AOAH: variants seen among roughly 807,000 people sequenced by gnomAD.
The protein encoded by AOAH is acyloxyacyl hydrolase.
A neutral mutation model predicts 92.2 loss-of-function variants in AOAH; 64 were observed. That is an observed-to-expected ratio of 0.69 (90% CI 0.57 to 0.86). AOAH has a LOEUF of 0.86. AOAH is among the 40% of genes least tolerant of loss of function. The pLI is 0.00. For missense variants in AOAH, 656 were observed against 694.6 expected, an observed-to-expected ratio of 0.94 and a Z score of 0.62; for synonymous variants, 263 against 254.5, an observed-to-expected ratio of 1.03 and a Z score of -0.32.
At chr7:36,553,991 G>T (rs561630086) in intron 13 of AOAH, among the ~76,000 whole-genome samples, 1 of 152,054 alleles carries the variant, frequency 6.6e-6, no homozygotes, top group African/African-American at 2.4e-5. Flanking sequence ...AGTTTAATTA[G>T]ATCCCATTTG....
intron 12 of AOAH, among the ~76,000 whole-genome samples, chr7:36,577,821 A>G (rs530035140): frequency 6.6e-6 from 1 of 152,346 alleles, no homozygotes; most frequent in South Asian, 2.1e-4. Context: ...TATTTGAGTA[A>G]TCTTCAAATG....
rs762946125 is a variant in AOAH at position 36,532,327 on chromosome 7, T to C, written c.1324A>G (p.Met442Val). ...YHPLGQLNKD[M>V]TYAQLYSFLN... is the part of the protein sequence containing the mutation. ...AAGGAGTACAACTGCGCATAGGTCA[T>C]GTCTTTATTTAGCTGGCCTGGAAAA... The change falls in exon 17 of 21, where the codon ATG (methionine) becomes GTG (valine). Residue 442 changes from methionine to valine, a missense_variant. Met to Val is a conservative substitution (Grantham distance 21, BLOSUM62 1). Coordinates refer to ENST00000617537, the MANE Select transcript of AOAH (RefSeq NM_001637.4). The C allele has an allele frequency of 8.1e-6, 13 of 1,613,936 alleles. No homozygotes were observed. The highest frequency in any genetic ancestry group is 1.0e-5 in the Non-Finnish European group (12 of 1,180,022).
intron 19 of AOAH, among the ~76,000 whole-genome samples, chr7:36,523,669 AC>A (rs1784235952): frequency 8.8e-6 from 1 of 113,194 alleles, no homozygotes; most frequent in East Asian, 3.0e-4. Flanking sequence ...TTGGAATGCA[AC>A]CTTCTTCTTG....
chr7:36,701,690 T>C (rs982478868), intron 1 of AOAH, among the ~76,000 whole-genome samples: 3 of 151,896 alleles, frequency 2.0e-5, no homozygotes, highest in Non-Finnish European at 2.9e-5. Flanking sequence ...TGTGTTTGAG[T>C]CTAAAAGTTA....
At chr7:36,513,843 C>T (rs1039082496) in intron 20 of AOAH, among the ~76,000 whole-genome samples, 2 of 152,138 alleles carry the variant, frequency 1.3e-5, no homozygotes, top group Non-Finnish European at 2.9e-5. Context: ...TTTGTGAGAC[C>T]CTAAGCAGAG....
At chr7:36,657,570 G>C (rs1410683608) in intron 4 of AOAH, among the ~76,000 whole-genome samples, 1 of 152,206 alleles carries the variant, frequency 6.6e-6, no homozygotes, top group Non-Finnish European at 1.5e-5. Flanking sequence ...ATAGAGGCTG[G>C]AGAGGGGGAC....
Position 36,540,634 on chromosome 7 carries a change from A to G in AOAH, c.1134-143T>C. ...TGGTCATTGGAGCTATTTGCAAAATATTCCTGGATTTCCACCTTTCTGACA... is the reference window on the plus strand; with the variant it reads ...TGGTCATTGGAGCTATTTGCAAAATGTTCCTGGATTTCCACCTTTCTGACA... On this transcript the variant is annotated intron_variant, in intron 15 of 20. Coordinates refer to ENST00000617537, the MANE Select transcript of AOAH (RefSeq NM_001637.4). 5 of 738,760 alleles carry G rather than the reference A, an allele frequency of 6.8e-6. No individual in the cohort carries two copies. The South Asian group carries it at 9.8e-5, about 14-fold the overall frequency. 45.8% of individuals were successfully genotyped at this position (738,760 alleles called of 1,614,324 possible). A position where few individuals can be genotyped will look rare whatever the true frequency, so the allele number is the denominator to read the frequency against.
At chr7:36,663,692 C>A (rs1795354991) in intron 3 of AOAH, among the ~76,000 whole-genome samples, 1 of 152,106 alleles carries the variant, frequency 6.6e-6, no homozygotes, top group South Asian at 2.1e-4. Context: ...CGTGGCTGTA[C>A]CACAATTTGT....
chr7:36,522,153 G>T (rs746486481), intron 19 of AOAH, 38 bp from the exon 20 acceptor site: 9 of 1,597,116 alleles, frequency 5.6e-6, no homozygotes, highest in Non-Finnish European at 6.9e-6. Context: ...AGACACACTT[G>T]CACAAGCAAC....
Position 36,691,954 on chromosome 7 carries a change from C to T in AOAH, c.128-5160G>A, listed in dbSNP as rs375888640. 1.2e-4 allele frequency among the ~76,000 whole-genome samples: 18 copies of T among 152,298 alleles called. No individual in the cohort carries two copies. In the East Asian group the frequency reaches 3.1e-3, roughly 26 times the overall value. On this transcript the variant is annotated intron_variant, in intron 1 of 20. Transcript: ENST00000617537. ...CGAGGTGCTTCAGCCAGCAGATCACCTAGATCATTCCAGATCACCCTGTCC... is the reference window on the plus strand; with the variant it reads ...CGAGGTGCTTCAGCCAGCAGATCACTTAGATCATTCCAGATCACCCTGTCC...
intron 13 of AOAH, among the ~76,000 whole-genome samples, chr7:36,575,679 AT>A (rs1489865182): frequency 1.3e-5 from 2 of 152,206 alleles, no homozygotes; most frequent in African/African-American, 4.8e-5. Flanking sequence ...AGTAAAAAAA[AT>A]CTATATTGTT....
chr7:36,625,279 G>A lies in AOAH; in HGVS notation c.522-2029C>T, dbSNP rs1370833369. 2.0e-5 allele frequency among the ~76,000 whole-genome samples: 3 copies of A among 152,148 alleles called. No homozygotes were observed. In the East Asian group the frequency reaches 5.8e-4, roughly 29 times the overall value. The stretch of plus-strand genomic sequence containing the variant: ...TCTTGCCAGATACTGAGTTGAGCAT[G>A]GTGGTTCAGTAAAGACTCTGGAGTC... On this transcript the variant is annotated intron_variant, in intron 6 of 20. Transcript: ENST00000617537.
intron 11 of AOAH, among the ~76,000 whole-genome samples, chr7:36,603,443 T>G (rs909010116): frequency 6.6e-6 from 1 of 152,218 alleles, no homozygotes; most frequent in African/African-American, 2.4e-5. Context: ...CTTCCTCGCC[T>G]GCCCCGGCCT....
Position 36,724,276 on chromosome 7 carries a change from CCCCACCCTCTCACAT to C in AOAH, c.-143_-129del. ...TTCCTCACTCTCTTTGACACACACA[CCCCACCCTCTCACAT>C]ACACACTTTTCAATAAGTGTGAAGT... is the stretch of plus-strand genomic sequence containing the variant. On this transcript the variant is annotated 5_prime_UTR_variant, in exon 1 of 21. The change abolishes an upstream ATG in the 5' untranslated region. Transcript: ENST00000617537. The C allele has an allele frequency of 1.9e-6, 2 of 1,068,860 alleles. No individual in the cohort carries two copies. The highest frequency in any genetic ancestry group is 2.7e-6 in the Non-Finnish European group (2 of 728,178). 66.2% of individuals were successfully genotyped at this position (1,068,860 alleles called of 1,614,324 possible).
At chr7:36,559,004 C>T (rs574114769) in intron 13 of AOAH, among the ~76,000 whole-genome samples, 1 of 152,258 alleles carries the variant, frequency 6.6e-6, no homozygotes, top group South Asian at 2.1e-4. Context: ...CACTGTCTGG[C>T]ACTCCCTAGT....
intron 3 of AOAH, among the ~76,000 whole-genome samples, chr7:36,661,965 T>C (rs1562670695): frequency 1.3e-5 from 2 of 152,218 alleles, no homozygotes. Flanking sequence ...TTTCACTTTG[T>C]GAGTAAGCAG....
intron 20 of AOAH, among the ~76,000 whole-genome samples, chr7:36,515,732 C>A (rs1186477768): frequency 7.7e-6 from 1 of 130,478 alleles, no homozygotes; most frequent in Non-Finnish European, 1.6e-5. Flanking sequence ...ACCAACACCA[C>A]ACACACACCA....
intron 12 of AOAH, among the ~76,000 whole-genome samples, chr7:36,577,172 A>G (rs2116642942): frequency 6.6e-6 from 1 of 152,266 alleles, no homozygotes; most frequent in South Asian, 2.1e-4. Flanking sequence ...GTCCAGAATG[A>G]GGATTGCGTT....
At position 36,615,812 on chromosome 7, in the gene AOAH, A is replaced by C. The variant is rs541916277; in HGVS notation, c.846+568T>G. Among the ~76,000 whole-genome samples the C allele has an allele frequency of 3.3e-5, 5 of 152,088 alleles. No individual in the cohort carries two copies. In the East Asian group the frequency reaches 9.7e-4, roughly 29 times the overall value. On this transcript the variant is annotated intron_variant, in intron 11 of 20. Coordinates refer to ENST00000617537, the MANE Select transcript of AOAH (RefSeq NM_001637.4). ...CCTGACACCTGATATAGAGTCAATA[A>C]ATGTTGGTTTCCCTCCCCTTTCTTT...
Sources: allele counts gnomAD v4.1 joint callset (sites outside exome capture counted in the v4.1 genomes callset), GRCh38; gene constraint gnomAD v4.1.1; transcripts MANE v1.5; gene names NCBI Gene and HGNC (gene_info 2026-07-23, HGNC 2026-07-21).